SPOCK1: variants seen among roughly 807,000 people sequenced by gnomAD.
The protein encoded by SPOCK1 is SPARC (osteonectin), cwcv and kazal like domains proteoglycan 1, also known as testican-1.
A neutral mutation model predicts 55.3 loss-of-function variants in SPOCK1; 23 were observed. The observed-to-expected ratio is 0.42, with a 90% CI of 0.30 to 0.59. The LOEUF is 0.59. Among genes scored for constraint, SPOCK1 ranks in the 20% least tolerant of loss-of-function variants. The pLI is 0.22. For synonymous variants in SPOCK1, 226 were observed against 221.0 expected (o/e 1.02, Z -0.20); for missense variants, 499 against 552.5 (o/e 0.90, Z 0.97).
chr5:137,113,381 G>T (rs930029409), intron 4 of SPOCK1, among the ~76,000 whole-genome samples: 2 of 152,162 alleles, frequency 1.3e-5, no homozygotes, highest in Non-Finnish European at 2.9e-5. Context: ...GGGCCCTGGG[G>T]CTGAGTTCTG....
At chr5:136,980,834 AT>A (rs1750714873) in intron 9 of SPOCK1, among the ~76,000 whole-genome samples, 1 of 152,176 alleles carries the variant, frequency 6.6e-6, no homozygotes, top group Admixed American at 6.5e-5. Context: ...AGATTTTTTT[AT>A]AAAATGAGAA....
At chr5:137,069,195 G>C in intron 5 of SPOCK1, among the ~76,000 whole-genome samples, 1 of 152,184 alleles carries the variant, frequency 6.6e-6, no homozygotes, top group East Asian at 1.9e-4. Flanking sequence ...CGGAGGGAAA[G>C]AATACTTTAA....
chr5:137,315,873 G>A (rs1410918890), intron 2 of SPOCK1, among the ~76,000 whole-genome samples: 2 of 152,182 alleles, frequency 1.3e-5, no homozygotes, highest in Non-Finnish European at 2.9e-5. Flanking sequence ...TTTTGACTCA[G>A]TAGGTCCTAG....
At chr5:137,200,038 G>A (rs1215994195) in intron 3 of SPOCK1, among the ~76,000 whole-genome samples, 4 of 152,222 alleles carry the variant, frequency 2.6e-5, no homozygotes, top group African/African-American at 9.6e-5. Context: ...GCCTGCGCTA[G>A]AGCAGCAGCC....
In SPOCK1 at chr5:137,321,195, C is replaced by CAG. The variant is rs1343826124; in HGVS notation, c.187-54142_187-54141dup. ...ATTATTCAGTCATAGAAACACCAAC[C>CAG]AGAAAAAAAAAAAAAAAGTGAAGAA... On this transcript the variant is annotated intron_variant, in intron 2 of 10. Transcript: ENST00000394945. 2.3e-5 allele frequency among the ~76,000 whole-genome samples: 3 copies of CAG among 131,888 alleles called. No homozygotes were observed. The Admixed American group carries it at 2.3e-4, about 10-fold the overall frequency. 86.5% of individuals were successfully genotyped at this position (131,888 alleles called of 152,430 possible). A position where few individuals can be genotyped will look rare whatever the true frequency, so the allele number is the denominator to read the frequency against.
In SPOCK1 at chr5:137,046,319, C is replaced by A. The variant is rs200351849; in HGVS notation, c.589+21396G>T. Among the ~76,000 whole-genome samples the A allele has an allele frequency of 2.2e-5, 3 of 134,604 alleles. No homozygotes were observed. In the South Asian group the frequency reaches 8.0e-4, roughly 36 times the overall value. 88.3% of individuals were successfully genotyped at this position (134,604 alleles called of 152,430 possible). A position where few individuals can be genotyped will look rare whatever the true frequency, so the allele number is the denominator to read the frequency against. On this transcript the variant is annotated intron_variant, in intron 6 of 10. Coordinates refer to ENST00000394945, the MANE Select transcript of SPOCK1 (RefSeq NM_004598.4). ...ATTTGTTTGTGTCCTCTTTTATTTC[C>A]TTGAGCAGTGGTTTGTAGTTCTCCT...
intron 3 of SPOCK1, among the ~76,000 whole-genome samples, chr5:137,240,899 G>A (rs1756267932): frequency 6.6e-6 from 1 of 152,128 alleles, no homozygotes; most frequent in African/African-American, 2.4e-5. Flanking sequence ...ACAAAGTCCA[G>A]AAACTAATCC....
chr5:137,326,985 C>G (rs1195185911), intron 2 of SPOCK1, among the ~76,000 whole-genome samples: 4 of 151,372 alleles, frequency 2.6e-5, no homozygotes, highest in African/African-American at 9.7e-5. Context: ...GAATACACTT[C>G]TCTTAAATTC....
intron 2 of SPOCK1, among the ~76,000 whole-genome samples, chr5:137,468,013 G>T (rs1054755857): frequency 3.3e-5 from 5 of 152,174 alleles, no homozygotes; most frequent in African/African-American, 1.2e-4. Flanking sequence ...AGAACCTCCA[G>T]TGCCTTCAGG....
intron 2 of SPOCK1, among the ~76,000 whole-genome samples, chr5:137,313,785 G>A (rs753442126): frequency 3.3e-5 from 5 of 150,868 alleles, no homozygotes; most frequent in African/African-American, 7.3e-5. Context: ...TGCATGACAG[G>A]AAAAGGAACC....
intron 6 of SPOCK1, among the ~76,000 whole-genome samples, chr5:137,018,680 C>A (rs577964806): frequency 1.3e-5 from 2 of 152,190 alleles, no homozygotes; most frequent in East Asian, 3.9e-4. Context: ...TTTTTCTCTC[C>A]TTATTATACA....
At chr5:137,084,304 C>A (rs1487665879) in intron 5 of SPOCK1, among the ~76,000 whole-genome samples, 5 of 151,820 alleles carry the variant, frequency 3.3e-5, no homozygotes, top group African/African-American at 1.2e-4. Context: ...TAAGGGTATC[C>A]CTGAGCAGCA....
chr5:137,014,564 G>A (rs956992140), intron 6 of SPOCK1, among the ~76,000 whole-genome samples: 1 of 152,154 alleles, frequency 6.6e-6, no homozygotes, highest in African/African-American at 2.4e-5. Flanking sequence ...AGCTAGTTAA[G>A]CCTGCTATGC....
At chr5:137,268,996 C>G (rs1280526647) in intron 2 of SPOCK1, among the ~76,000 whole-genome samples, 8 of 88,008 alleles carry the variant, frequency 9.1e-5, no homozygotes, top group Non-Finnish European at 1.4e-4. Flanking sequence ...CTGGATATTC[C>G]CTAATGATTT....
chr5:137,116,691 C>A (rs141774710), intron 4 of SPOCK1, among the ~76,000 whole-genome samples: 3 of 152,032 alleles, frequency 2.0e-5, no homozygotes, highest in Non-Finnish European at 2.9e-5. Context: ...AGGGCATAGT[C>A]TATACTCCAA....
chr5:137,296,675 A>T (rs1724691866), intron 2 of SPOCK1, among the ~76,000 whole-genome samples: 1 of 152,218 alleles, frequency 6.6e-6, no homozygotes, highest in African/African-American at 2.4e-5. Flanking sequence ...ATCACAGTTT[A>T]GGGCTTTCCT....
chr5:137,337,380 G>A (rs950244664), intron 2 of SPOCK1, among the ~76,000 whole-genome samples: 2 of 152,178 alleles, frequency 1.3e-5, no homozygotes, highest in African/African-American at 4.8e-5. Flanking sequence ...CATTTCCACT[G>A]GAGTTCCTTA....
intron 9 of SPOCK1, among the ~76,000 whole-genome samples, chr5:136,982,324 C>A (rs1750748752): frequency 6.6e-6 from 1 of 152,164 alleles, no homozygotes; most frequent in Non-Finnish European, 1.5e-5. Flanking sequence ...TTAATTTCAA[C>A]TTTCTGTGGA....
intron 4 of SPOCK1, among the ~76,000 whole-genome samples, chr5:137,130,159 C>T (rs987455100): frequency 6.6e-6 from 1 of 152,186 alleles, no homozygotes; most frequent in African/African-American, 2.4e-5. Flanking sequence ...GGTGGTTTTA[C>T]CTTTGCCCCC....
Sources: allele counts gnomAD v4.1 joint callset (sites outside exome capture counted in the v4.1 genomes callset), GRCh38; gene constraint gnomAD v4.1.1; transcripts MANE v1.5; gene names NCBI Gene and HGNC (gene_info 2026-07-23, HGNC 2026-07-21).